IL1RAPL2: variants seen among roughly 807,000 people sequenced by gnomAD.
IL1RAPL2 encodes the protein X-linked interleukin-1 receptor accessory protein-like 2.
A neutral mutation model predicts 44.1 loss-of-function variants in IL1RAPL2; 3 were observed. That is an observed-to-expected ratio of 0.07 (90% CI 0.03 to 0.18). The LOEUF (loss-of-function observed/expected upper bound fraction) is 0.18. Ranked by LOEUF, IL1RAPL2 falls within the 10% of genes least tolerant of loss-of-function variation. The probability of loss-of-function intolerance (pLI) is 1.00; values close to 1 mark genes in which losing one functional copy is unlikely to be tolerated. For synonymous variants in IL1RAPL2, 181 were observed against 178.8 expected (o/e 1.01, Z -0.10); for missense variants, 391 against 496.4 (o/e 0.79, Z 2.02).
At chrX:104,594,763 G>A (rs1236317406) in intron 1 of IL1RAPL2, among the ~76,000 whole-genome samples, 3 of 111,712 alleles carry the variant, frequency 2.7e-5, no homozygotes, top group East Asian at 2.8e-4. Flanking sequence ...GAAGTGACAT[G>A]TAGGTCACCC....
At chrX:105,363,289 AATATATATATATATATATAATATATAT>A (rs1207315551) in intron 5 of IL1RAPL2, among the ~76,000 whole-genome samples, 3 of 76,208 alleles carry the variant, frequency 3.9e-5, no homozygotes, top group African/African-American at 1.6e-4. Flanking sequence ...ATATATATAT[AATATATATATATATATATAATATATAT>A]ATATATATAT....
chrX:105,607,335 T>C (rs1431723860), intron 6 of IL1RAPL2, among the ~76,000 whole-genome samples: 1 of 110,195 alleles, frequency 9.1e-6, no homozygotes, highest in African/African-American at 3.3e-5. Context: ...TTTTTAATGG[T>C]ACGTGGTATG....
At chrX:104,794,252 C>T (rs1291900093) in intron 2 of IL1RAPL2, among the ~76,000 whole-genome samples, 1 of 111,840 alleles carries the variant, frequency 8.9e-6, no homozygotes, top group Non-Finnish European at 1.9e-5. Context: ...GAATAACGCA[C>T]TATGATACAG....
intron 2 of IL1RAPL2, among the ~76,000 whole-genome samples, chrX:104,932,009 T>TTTA (rs1924917833): frequency 2.1e-5 from 2 of 93,396 alleles, no homozygotes; most frequent in Non-Finnish European, 4.3e-5. Context: ...TTTTTTTTTT[T>TTTA]GAGACAGAGT....
chrX:104,739,578 T>C (rs1229118888), intron 2 of IL1RAPL2, among the ~76,000 whole-genome samples: 2 of 111,865 alleles, frequency 1.8e-5, no homozygotes, highest in Non-Finnish European at 3.8e-5. Flanking sequence ...GAAGGAGCTC[T>C]TGACCATATG....
At chrX:105,185,405 A>T (rs1417036694) in intron 2 of IL1RAPL2, among the ~76,000 whole-genome samples, 1 of 112,187 alleles carries the variant, frequency 8.9e-6, no homozygotes, top group East Asian at 2.8e-4. Flanking sequence ...TTGAAATTTT[A>T]AAAAATAATA....
At position 105,042,666 on chromosome X, in the gene IL1RAPL2, G is replaced by A. The variant is rs1323138975; in HGVS notation, c.83-152809G>A. 1.6e-4 allele frequency among the ~76,000 whole-genome samples: 17 copies of A among 103,036 alleles called. No individual in the cohort carries two copies. In the South Asian group the frequency reaches 7.2e-3, roughly 44 times the overall value. 89.5% of individuals were successfully genotyped at this position (103,036 alleles called of 115,157 possible). On this transcript the variant is annotated intron_variant, in intron 2 of 10. Transcript: ENST00000372582. The stretch of plus-strand genomic sequence containing the variant: ...TAGTTCAACCATTGTGGAAGTCAGT[G>A]TGGCGATTCCTCAGGGATCTAGAAC...
At chrX:105,638,394 CCTGGATGGTTTACCAGT>C (rs1297140887) in intron 6 of IL1RAPL2, among the ~76,000 whole-genome samples, 3 of 110,587 alleles carry the variant, frequency 2.7e-5, no homozygotes, top group African/African-American at 9.9e-5. Flanking sequence ...AGCCATTTAT[CCTGGATGGTTTACCAGT>C]CTGAAGGAGG....
chrX:105,374,712 G>A (rs2035372104), intron 5 of IL1RAPL2, among the ~76,000 whole-genome samples: 1 of 110,568 alleles, frequency 9.0e-6, no homozygotes, highest in South Asian at 3.8e-4. Flanking sequence ...ACTTTGGGAG[G>A]CCAAGGCGGG....
At chrX:104,884,159 T>C (rs970068994) in intron 2 of IL1RAPL2, among the ~76,000 whole-genome samples, 1 of 110,430 alleles carries the variant, frequency 9.1e-6, no homozygotes, top group Non-Finnish European at 1.9e-5. Flanking sequence ...CTAAATCTGA[T>C]TTTTCTCGGT....
intron 2 of IL1RAPL2, among the ~76,000 whole-genome samples, chrX:104,738,356 C>A (rs893662447): frequency 3.6e-5 from 4 of 112,086 alleles, no homozygotes; most frequent in East Asian, 2.8e-4. Flanking sequence ...ATGCTAATGG[C>A]AGATTTTAGG....
intron 5 of IL1RAPL2, among the ~76,000 whole-genome samples, chrX:105,278,111 T>A (rs186473303): frequency 5.4e-5 from 6 of 111,942 alleles, no homozygotes; most frequent in African/African-American, 1.9e-4. Flanking sequence ...GACAGTCTTA[T>A]TTTTCTGTAG....
At chrX:105,668,164 A>ATAG (rs1164533655) in intron 6 of IL1RAPL2, among the ~76,000 whole-genome samples, 1 of 111,864 alleles carries the variant, frequency 8.9e-6, no homozygotes, top group Non-Finnish European at 1.9e-5. Context: ...GACAATTGCC[A>ATAG]TAGTGATATT....
intron 2 of IL1RAPL2, among the ~76,000 whole-genome samples, chrX:104,720,524 C>G (rs921676069): frequency 3.6e-5 from 4 of 111,349 alleles, no homozygotes; most frequent in African/African-American, 1.3e-4. Context: ...GAAATCAGGT[C>G]GTAGAAATAA....
At chrX:105,066,434 A>T (rs28729226) in intron 2 of IL1RAPL2, among the ~76,000 whole-genome samples, 2,656 of 111,858 alleles carry the variant, frequency 0.024, 66 homozygotes, top group African/African-American at 0.083. Context: ...GCAGCTACTG[A>T]CATTTTGACT....
intron 6 of IL1RAPL2, among the ~76,000 whole-genome samples, chrX:105,648,123 G>A (rs189596189): frequency 8.0e-5 from 9 of 111,877 alleles, no homozygotes; most frequent in Non-Finnish European, 1.3e-4. Context: ...AACTTGATAC[G>A]TTCATTCATA....
At chrX:105,520,906 T>C (rs188890259) in intron 6 of IL1RAPL2, among the ~76,000 whole-genome samples, 197 of 105,054 alleles carry the variant, frequency 1.9e-3, no homozygotes, top group African/African-American at 6.5e-3. Context: ...AGCAATATTA[T>C]AGCTATTTCT....
chrX:105,689,716 G>A (rs1429072342), intron 6 of IL1RAPL2, among the ~76,000 whole-genome samples: 2 of 111,935 alleles, frequency 1.8e-5, no homozygotes, highest in African/African-American at 6.5e-5. Context: ...TCCCATTACT[G>A]GGTATATACC....
chrX:105,468,223 A>G lies in IL1RAPL2; in HGVS notation c.698-16090A>G, dbSNP rs1242575357. 2.7e-5 allele frequency among the ~76,000 whole-genome samples: 3 copies of G among 112,059 alleles called. No homozygotes were observed. In the South Asian group the frequency reaches 1.1e-3, roughly 42 times the overall value. ...CCTGTATCAAGCTGGTGGAAGAGAAAATGGTATGAAACATCTTGTGTGGAA... is the reference window on the plus strand; with the variant it reads ...CCTGTATCAAGCTGGTGGAAGAGAAGATGGTATGAAACATCTTGTGTGGAA... On this transcript the variant is annotated intron_variant, in intron 5 of 10. Transcript: ENST00000372582.
Sources: gnomAD v4.1 joint callset for allele counts (sites outside exome capture counted in the v4.1 genomes callset) on GRCh38, gnomAD v4.1.1 for gene constraint, MANE v1.5 for transcripts, NCBI Gene and HGNC (gene_info 2026-07-23, HGNC 2026-07-21) for gene names.